Variants in CNBD1 observed in about 807,000 individuals in gnomAD.
The protein encoded by CNBD1 is cyclic nucleotide binding domain containing 1, also known as cyclic nucleotide-binding domain-containing protein 1.
In CNBD1, 71 loss-of-function variants were observed where a neutral mutation model predicts 54.4. That is an observed-to-expected ratio of 1.30 (90% CI 1.08 to 1.59). The LOEUF (loss-of-function observed/expected upper bound fraction) is 1.59, where lower values mean the gene tolerates loss of function less well. Ranked by LOEUF, CNBD1 falls within the 40% of genes most tolerant of loss-of-function variation. The pLI is 0.00. For synonymous variants in CNBD1, 182 were observed against 170.7 expected (o/e 1.07, Z -0.51); for missense variants, 659 against 518.0 (o/e 1.27, Z -2.64).
chr8:87,427,470 G>A (rs1446887641), intron 2 of CNBD1, among the ~76,000 whole-genome samples: 1 of 152,050 alleles, frequency 6.6e-6, no homozygotes. Flanking sequence ...TACCTTAAAA[G>A]TATTAGCGCT....
intron 4 of CNBD1, among the ~76,000 whole-genome samples, chr8:86,941,794 A>G (rs1271797189): frequency 3.3e-5 from 5 of 152,186 alleles, no homozygotes; most frequent in Non-Finnish European, 7.3e-5. Context: ...TTACTTTGCT[A>G]CATTCTTTTG....
intron 1 of CNBD1, among the ~76,000 whole-genome samples, chr8:86,876,563 C>T (rs1334143198): frequency 5.9e-5 from 9 of 151,400 alleles, no homozygotes. Context: ...TTATTCATTG[C>T]TTTTCTTTGT....
At chr8:87,367,585 G>C (rs1264875289) in intron 10 of CNBD1, among the ~76,000 whole-genome samples, 1 of 152,100 alleles carries the variant, frequency 6.6e-6, no homozygotes, top group Non-Finnish European at 1.5e-5. Flanking sequence ...ATTCTGAGCT[G>C]ATTCTCCCAC....
intron 5 of CNBD1, among the ~76,000 whole-genome samples, chr8:87,212,319 G>C (rs961604077): frequency 1.4e-4 from 21 of 151,952 alleles, no homozygotes; most frequent in African/African-American, 5.1e-4. Flanking sequence ...ATCCCTAACA[G>C]AAATACCAAT....
intron 8 of CNBD1, among the ~76,000 whole-genome samples, chr8:87,316,385 T>A (rs1809386883): frequency 6.6e-6 from 1 of 152,004 alleles, no homozygotes; most frequent in African/African-American, 2.4e-5. Context: ...CACTGGCAAA[T>A]TTTTGAAATT....
chr8:87,326,014 C>G (rs553985305), intron 8 of CNBD1, among the ~76,000 whole-genome samples: 1 of 114,102 alleles, frequency 8.8e-6, no homozygotes, highest in Non-Finnish European at 1.9e-5. Flanking sequence ...GACAAAATCT[C>G]TCAGCATTTG....
At chr8:87,037,299 G>T (rs1376925776) in intron 4 of CNBD1, among the ~76,000 whole-genome samples, 1 of 151,926 alleles carries the variant, frequency 6.6e-6, no homozygotes, top group African/African-American at 2.4e-5. Flanking sequence ...CTGAAGCTTT[G>T]CAGTGATATA....
chr8:87,248,434 G>T (rs1462051673), intron 6 of CNBD1, among the ~76,000 whole-genome samples: 5 of 152,204 alleles, frequency 3.3e-5, no homozygotes, highest in African/African-American at 1.2e-4. Flanking sequence ...GAATGATGCT[G>T]TCAGTGCAGA....
At chr8:87,393,329 G>T (rs1366926050) in intron 2 of CNBD1, among the ~76,000 whole-genome samples, 1 of 151,846 alleles carries the variant, frequency 6.6e-6, no homozygotes, top group Non-Finnish European at 1.5e-5. Context: ...TCTCCCTCCA[G>T]AAACAGTCCA....
intron 2 of CNBD1, among the ~76,000 whole-genome samples, chr8:87,393,398 T>G (rs920348328): frequency 4.0e-5 from 6 of 151,860 alleles, no homozygotes; most frequent in African/African-American, 1.4e-4. Flanking sequence ...ACTAAAGAAA[T>G]AAAGATCAGG....
chr8:87,168,528 T>C lies in CNBD1; in HGVS notation c.432-37465T>C, dbSNP rs557729541. 9.9e-5 allele frequency among the ~76,000 whole-genome samples: 15 copies of C among 152,066 alleles called. No individual in the cohort carries two copies. In the South Asian group the frequency reaches 2.9e-3, roughly 29 times the overall value. Reference sequence around the variant, plus strand: ...ATCAAATACTAGGTCTTATTTATCCTTTCCATTTTTGTATACCCATTAACC... The same window carrying C: ...ATCAAATACTAGGTCTTATTTATCCCTTCCATTTTTGTATACCCATTAACC... On this transcript the variant is annotated intron_variant, in intron 4 of 10. Coordinates refer to ENST00000518476, the MANE Select transcript of CNBD1 (RefSeq NM_173538.3).
intron 10 of CNBD1, among the ~76,000 whole-genome samples, chr8:87,367,935 G>T (rs189657155): frequency 1.3e-5 from 2 of 152,186 alleles, no homozygotes; most frequent in East Asian, 3.9e-4. Context: ...ACTTTGGGAG[G>T]CAGAGGCAGG....
Position 87,331,848 on chromosome 8 carries a change from G to A in CNBD1, c.1043-19837G>A, listed in dbSNP as rs192740843. Among the ~76,000 whole-genome samples the A allele has an allele frequency of 3.1e-3, 479 of 152,108 alleles. 3 individuals are homozygous for A. The highest frequency in any genetic ancestry group is 8.2e-3 in the African/African-American group (341 of 41,494). On this transcript the variant is annotated intron_variant, in intron 8 of 10. Coordinates refer to ENST00000518476, the MANE Select transcript of CNBD1 (RefSeq NM_173538.3). Reference sequence around the variant, plus strand: ...GCTTTTTTTCATATGTTTGTTGGTCGCATAAATGTCTTCTTTTGAGAAGTG... The same window carrying A: ...GCTTTTTTTCATATGTTTGTTGGTCACATAAATGTCTTCTTTTGAGAAGTG...
chr8:87,174,165 G>T lies in CNBD1; in HGVS notation c.432-31828G>T, dbSNP rs945860964. ...AGTAGAGATGGGGTTTCACCATGTT[G>T]GCCTGGATGGTCTCGATCTCTTGAC... On this transcript the variant is annotated intron_variant, in intron 4 of 10. Coordinates refer to ENST00000518476, the MANE Select transcript of CNBD1 (RefSeq NM_173538.3). 7.2e-5 allele frequency among the ~76,000 whole-genome samples: 11 copies of T among 152,030 alleles called. 1 individual carries two copies. The South Asian group carries it at 8.3e-4, about 11-fold the overall frequency.
intron 2 of CNBD1, among the ~76,000 whole-genome samples, chr8:87,416,016 C>G (rs1280322379): frequency 1.3e-5 from 2 of 151,796 alleles, no homozygotes; most frequent in Admixed American, 6.6e-5. Context: ...CATACACACA[C>G]AAAAATAGAT....
rs143390898 is a variant in CNBD1, at chr8:86,889,557, C to G, written c.158+1946C>G. ...GTTTTAAATTTTTGTACATAGAACT[C>G]ACAAAGGGCATTAGTTTTGATTCTA... On this transcript the variant is annotated intron_variant, in intron 2 of 10. Transcript: ENST00000518476. 7.7e-3 allele frequency among the ~76,000 whole-genome samples: 1,168 copies of G among 152,140 alleles called. 13 individuals are homozygous for G. Among genetic ancestry groups the G allele is most frequent in the African/African-American group, 0.026 (1,085 of 41,534 alleles).
intron 2 of CNBD1, among the ~76,000 whole-genome samples, chr8:87,409,131 A>G (rs1331185400): frequency 6.6e-6 from 1 of 152,194 alleles, no homozygotes; most frequent in African/African-American, 2.4e-5. Context: ...GAAAGCTTTT[A>G]GCTAAATAGT....
chr8:87,415,418 G>C (rs1377722894), intron 2 of CNBD1, among the ~76,000 whole-genome samples: 1 of 152,006 alleles, frequency 6.6e-6, no homozygotes, highest in East Asian at 1.9e-4. Flanking sequence ...ATATTGCTCT[G>C]TGTTAGGCTC....
chr8:87,070,951 A>G (rs1351473387), intron 4 of CNBD1, among the ~76,000 whole-genome samples: 2 of 152,048 alleles, frequency 1.3e-5, no homozygotes, highest in Non-Finnish European at 2.9e-5. Context: ...AATATGTGAA[A>G]TGGGATAGGA....
Sources: gnomAD v4.1 joint callset for allele counts (sites outside exome capture counted in the v4.1 genomes callset) on GRCh38, gnomAD v4.1.1 for gene constraint, MANE v1.5 for transcripts, NCBI Gene and HGNC (gene_info 2026-07-23, HGNC 2026-07-21) for gene names.